The following CDH13 variants were observed in gnomAD, a reference collection of about 807,000 sequenced individuals.
CDH13 encodes the protein cadherin-13.
A neutral mutation model predicts 63.8 loss-of-function variants in CDH13; 24 were observed. That is an observed-to-expected ratio of 0.38 (90% CI 0.27 to 0.53). The LOEUF is 0.53. Ranked by LOEUF, CDH13 falls within the 20% of genes least tolerant of loss-of-function variation. CDH13 has a pLI of 0.85. For missense variants in CDH13, 1,049 were observed against 903.1 expected (o/e 1.16, Z -2.07); for synonymous variants, 503 against 355.3 (o/e 1.42, Z -4.67).
rs2040542540 is a variant in CDH13 at position 82,877,434 on chromosome 16, C to A, written c.157+18961C>A. ...TAAGTCAGGTTGACGAAGGTGATCTCAGTTGTTGGTCTTAAGCACTACGCC... is the reference window on the plus strand; with the variant it reads ...TAAGTCAGGTTGACGAAGGTGATCTAAGTTGTTGGTCTTAAGCACTACGCC... On this transcript the variant is annotated intron_variant, in intron 2 of 13. Transcript: ENST00000567109. Among the ~76,000 whole-genome samples the A allele has an allele frequency of 2.0e-5, 3 of 152,258 alleles. No individual in the cohort carries two copies. In the South Asian group the frequency reaches 6.2e-4, roughly 32 times the overall value.
intron 4 of CDH13, among the ~76,000 whole-genome samples, chr16:83,144,268 C>A (rs556268621): frequency 6.6e-6 from 1 of 152,210 alleles, no homozygotes; most frequent in South Asian, 2.1e-4. Context: ...ACCTTTTGTT[C>A]CTGCGGTTGA....
chr16:83,480,465 T>G (rs1447035872), intron 6 of CDH13, among the ~76,000 whole-genome samples: 1 of 152,168 alleles, frequency 6.6e-6, no homozygotes, highest in Non-Finnish European at 1.5e-5. Flanking sequence ...TCTTTGTTAC[T>G]GAGGACGGTT....
chr16:83,553,028 G>A (rs776822880), intron 7 of CDH13, among the ~76,000 whole-genome samples: 10 of 150,802 alleles, frequency 6.6e-5, no homozygotes, highest in African/African-American at 9.8e-5. Context: ...GCAGTGAGCT[G>A]AGATCGCGTC....
intron 2 of CDH13, among the ~76,000 whole-genome samples, chr16:82,961,425 C>A (rs1029029085): frequency 3.3e-5 from 5 of 152,034 alleles, no homozygotes; most frequent in Admixed American, 6.5e-5. Context: ...CTGGGTAAAT[C>A]TTCTCCATAC....
At chr16:82,647,300 A>G (rs1910209238) in intron 1 of CDH13, among the ~76,000 whole-genome samples, 1 of 152,224 alleles carries the variant, frequency 6.6e-6, no homozygotes, top group South Asian at 2.1e-4. Flanking sequence ...AAATGGACAG[A>G]TAGGACTTAA....
At chr16:83,234,507 G>C (rs1297745178) in intron 5 of CDH13, among the ~76,000 whole-genome samples, 3 of 152,164 alleles carry the variant, frequency 2.0e-5, no homozygotes, top group Admixed American at 1.3e-4. Flanking sequence ...GACCTAGGCA[G>C]CTCCAAGTCC....
At chr16:83,538,988 C>G (rs1308281200) in intron 7 of CDH13, among the ~76,000 whole-genome samples, 1 of 152,120 alleles carries the variant, frequency 6.6e-6, no homozygotes, top group African/African-American at 2.4e-5. Context: ...ATTCTGAGGA[C>G]TTTTCAGAAC....
chr16:83,606,365 A>T (rs948515967), intron 8 of CDH13, among the ~76,000 whole-genome samples: 2 of 152,166 alleles, frequency 1.3e-5, no homozygotes, highest in Admixed American at 6.5e-5. Flanking sequence ...ATAAAAGAGG[A>T]GTTATGATTG....
intron 6 of CDH13, among the ~76,000 whole-genome samples, chr16:83,462,621 G>C (rs1296320651): frequency 1.3e-5 from 2 of 152,102 alleles, no homozygotes; most frequent in African/African-American, 2.4e-5. Flanking sequence ...AGCCAGGTGT[G>C]ATGGCCCATG....
chr16:82,816,738 T>G (rs967958586), intron 1 of CDH13, among the ~76,000 whole-genome samples: 1 of 145,730 alleles, frequency 6.9e-6, no homozygotes, highest in African/African-American at 2.6e-5. Flanking sequence ...GTAGTCCATT[T>G]GGAAGGGTTT....
chr16:82,705,640 C>T (rs1322336274), intron 1 of CDH13, among the ~76,000 whole-genome samples: 2 of 152,074 alleles, frequency 1.3e-5, no homozygotes, highest in African/African-American at 4.8e-5. Context: ...CCACACACGC[C>T]TGCTTCTTTC....
chr16:83,345,389 T>C (rs1340383063), intron 6 of CDH13, among the ~76,000 whole-genome samples: 1 of 152,220 alleles, frequency 6.6e-6, no homozygotes, highest in East Asian at 1.9e-4. Context: ...AGTTCTTTCT[T>C]TTCACAGTGG....
At chr16:83,370,422 C>G (rs977234857) in intron 6 of CDH13, among the ~76,000 whole-genome samples, 3 of 149,564 alleles carry the variant, frequency 2.0e-5, no homozygotes, top group East Asian at 2.0e-4. Flanking sequence ...ATTTTCAGTT[C>G]TATCTTCTTT....
intron 5 of CDH13, among the ~76,000 whole-genome samples, chr16:83,248,090 G>C (rs1905142542): frequency 6.6e-6 from 1 of 152,170 alleles, no homozygotes; most frequent in African/African-American, 2.4e-5. Flanking sequence ...CTGATCAGCG[G>C]GGTGCTAATG....
chr16:83,656,626 T>C (rs17767425), intron 8 of CDH13, among the ~76,000 whole-genome samples: 71,751 of 151,954 alleles, frequency 0.47, 17,797 homozygotes, highest in Admixed American at 0.57. Context: ...TACCCTTGAA[T>C]GGTAAAGGTG....
chr16:82,910,182 C>T (rs1462069886), intron 2 of CDH13, among the ~76,000 whole-genome samples: 2 of 152,168 alleles, frequency 1.3e-5, no homozygotes, highest in Non-Finnish European at 2.9e-5. Context: ...GACCTGCATG[C>T]AGCATGTGGC....
intron 6 of CDH13, among the ~76,000 whole-genome samples, chr16:83,389,602 G>C (rs1159927844): frequency 6.6e-6 from 1 of 152,058 alleles, no homozygotes; most frequent in Non-Finnish European, 1.5e-5. Flanking sequence ...CATTTATTCT[G>C]CAGATAGTCC....
At chr16:82,825,387 C>T (rs1363369564) in intron 1 of CDH13, 1 of 151,984 alleles carries the variant, frequency 6.6e-6, no homozygotes, top group Non-Finnish European at 1.5e-5. Context: ...TAAATAATGC[C>T]TCACTTTCTA....
intron 5 of CDH13, among the ~76,000 whole-genome samples, chr16:83,283,660 G>A (rs1283544918): frequency 6.6e-6 from 1 of 152,142 alleles, no homozygotes; most frequent in East Asian, 1.9e-4. Context: ...ATGTCCTTTA[G>A]TGTTCTTACA....
Sources: allele counts gnomAD v4.1 joint callset (sites outside exome capture counted in the v4.1 genomes callset), GRCh38; gene constraint gnomAD v4.1.1; transcripts MANE v1.5; gene names NCBI Gene and HGNC (gene_info 2026-07-23, HGNC 2026-07-21).